TNC: variants seen among roughly 807,000 people sequenced by gnomAD.
TNC encodes the protein tenascin.
In TNC, 109 loss-of-function variants were observed where a neutral mutation model predicts 202.4. The observed-to-expected ratio is 0.54, with a 90% confidence interval of 0.46 to 0.63. The LOEUF (loss-of-function observed/expected upper bound fraction) is 0.63, where lower values mean the gene tolerates loss of function less well. TNC is among the 30% of genes least tolerant of loss of function. TNC has a pLI of 0.00. For missense variants in TNC, 2,756 were observed against 2,833.3 expected (o/e 0.97, Z 0.62); for synonymous variants, 1,007 against 1,089.7 (o/e 0.92, Z 1.50).
chr9:115,021,130 C>T lies in TNC; in HGVS notation c.*27G>A, dbSNP rs1406107281. ...TCCTTTCCTCGCTCTGGGCCTTATTCCTCTCTCACCCAGTGGTCCCTGGAA... is the reference window on the plus strand; with the variant it reads ...TCCTTTCCTCGCTCTGGGCCTTATTTCTCTCTCACCCAGTGGTCCCTGGAA... On this transcript the variant is annotated 3_prime_UTR_variant, in exon 28 of 28. Transcript: ENST00000350763. 1.3e-6 allele frequency: 2 copies of T among 1,566,216 alleles called. No individual in the cohort carries two copies. The highest frequency in any genetic ancestry group is 1.4e-5 in the African/African-American group (1 of 73,822).
chr9:115,070,261 C>G (rs1833364212), intron 10 of TNC, among the ~76,000 whole-genome samples: 1 of 152,204 alleles, frequency 6.6e-6, no homozygotes, highest in Non-Finnish European at 1.5e-5. Context: ...GCCCTCTGTT[C>G]TGGGTCATAT....
In TNC at chr9:115,082,674, C is replaced by T; in HGVS notation, c.2247+18G>A. On this transcript the variant is annotated intron_variant, in intron 5 of 27. Transcript: ENST00000350763. ...AAATCCTTGAGATCAAATGGATCTG[C>T]TCTTTTGTACTCCTTACCATATTCC... 1 of 1,539,396 alleles carries T rather than the reference C, an allele frequency of 6.5e-7. No individual in the cohort carries two copies. The highest frequency in any genetic ancestry group is 9.0e-7 in the Non-Finnish European group (1 of 1,112,154).
chr9:115,098,606 G>A (rs908781487), intron 1 of TNC, among the ~76,000 whole-genome samples: 1 of 152,168 alleles, frequency 6.6e-6, no homozygotes, highest in East Asian at 1.9e-4. Flanking sequence ...ATTTTTAGTA[G>A]CTCATGGAAT....
chr9:115,116,490 C>G (rs1350095597), intron 1 of TNC, among the ~76,000 whole-genome samples: 1 of 152,196 alleles, frequency 6.6e-6, no homozygotes, highest in Non-Finnish European at 1.5e-5. Context: ...CTGAATTGGG[C>G]TTGCCTGGCT....
At chr9:115,024,261 T>C (rs1258571744) in intron 26 of TNC, 125 bp from the exon 27 acceptor site, 2 of 937,454 alleles carry the variant, frequency 2.1e-6, no homozygotes, top group Admixed American at 2.4e-5. Context: ...TGAACATTGA[T>C]CCCAGAGTCA....
chr9:115,064,669 C>G lies in TNC; in HGVS notation c.3465G>C (p.Val1155=), dbSNP rs1460271945. The part of the protein sequence containing the change: ...YGVIQGYRTP[V]LSAEASTGET... ...TACCTGTGGAGGCCTCAGCAGAGAG[C>G]ACTGGTGTTCTATAGCCCTGGATCA... The change falls in exon 11 of 28, where the codon GTG becomes GTC. Residue 1155 remains valine (V), a synonymous_variant. Coordinates refer to ENST00000350763, the MANE Select transcript of TNC (RefSeq NM_002160.4). The G allele has an allele frequency of 1.9e-6, 3 of 1,612,078 alleles. No homozygotes were observed. Among genetic ancestry groups the G allele is most frequent in the Non-Finnish European group, 2.5e-6 (3 of 1,178,482 alleles).
chr9:115,099,475 T>C (rs769614917), intron 1 of TNC, among the ~76,000 whole-genome samples: 7 of 152,230 alleles, frequency 4.6e-5, no homozygotes, highest in Non-Finnish European at 8.8e-5. Flanking sequence ...TTGCTATTAA[T>C]TTGAACCACA....
chr9:115,038,448 G>A, intron 19 of TNC, 68 bp from the exon 20 acceptor site: 1 of 1,577,552 alleles, frequency 6.3e-7, no homozygotes, highest in South Asian at 1.2e-5. Flanking sequence ...CTGCTCTGCT[G>A]TCCACACTGC....
intron 1 of TNC, among the ~76,000 whole-genome samples, chr9:115,107,762 C>G (rs1482380415): frequency 6.6e-6 from 1 of 152,170 alleles, no homozygotes; most frequent in Non-Finnish European, 1.5e-5. Flanking sequence ...AAGGTAAAAA[C>G]TTAAATTTTT....
chr9:115,062,849 G>C, intron 13 of TNC, 68 bp downstream of exon 13: 1 of 1,541,104 alleles, frequency 6.5e-7, no homozygotes, highest in Non-Finnish European at 8.8e-7. Context: ...CCACACGGGT[G>C]AATTTTCTCT....
At chr9:115,069,568 G>C (rs1225920606) in intron 10 of TNC, among the ~76,000 whole-genome samples, 2 of 145,190 alleles carry the variant, frequency 1.4e-5, no homozygotes, top group Non-Finnish European at 3.0e-5. Context: ...GGTACCTTTC[G>C]TTCTTCCCTC....
At chr9:115,056,015 G>A (rs1402949719) in intron 15 of TNC, among the ~76,000 whole-genome samples, 1 of 152,070 alleles carries the variant, frequency 6.6e-6, no homozygotes, top group Non-Finnish European at 1.5e-5. Context: ...CCTTATCCAT[G>A]GATCACCCTG....
In TNC at chr9:115,046,548, G is replaced by T. The variant is rs757588594; in HGVS notation, c.4987C>A (p.Pro1663Thr). 2.5e-6 allele frequency: 4 copies of T among 1,614,080 alleles called. No individual in the cohort carries two copies. Among genetic ancestry groups the T allele is most frequent in the Non-Finnish European group, 3.4e-6 (4 of 1,180,006 alleles). Residue 1663 changes from proline (P) to threonine (T), a missense_variant, in exon 17 of 28, where the codon CCA becomes ACA. Pro to Thr is a conservative substitution (Grantham distance 38). Around this residue, in one of 2 missense-constraint regions of TNC, gnomAD observed 2,559 missense variants for 2,546.0 expected, o/e 1.01. Coordinates refer to ENST00000350763, the MANE Select transcript of TNC (RefSeq NM_002160.4). ...KIRDTKKQSE[P>T]LEITLLAPER... is the part of the protein sequence containing the mutation. Reference sequence around the variant, plus strand: ...GGGGCAAGTAGGGTTATTTCCAGTGGCTCAGACTGCTTTTTGGTATCTCTG... The same window carrying T: ...GGGGCAAGTAGGGTTATTTCCAGTGTCTCAGACTGCTTTTTGGTATCTCTG...
chr9:115,084,679 G>A (rs549003165), intron 3 of TNC, among the ~76,000 whole-genome samples: 9 of 152,286 alleles, frequency 5.9e-5, no homozygotes, highest in East Asian at 3.9e-4. Context: ...CCTTCAGGCT[G>A]GAGTCCCAGG....
chr9:115,068,061 TA>T (rs1403333709), intron 10 of TNC, among the ~76,000 whole-genome samples: 1 of 152,092 alleles, frequency 6.6e-6, no homozygotes, highest in Non-Finnish European at 1.5e-5. Flanking sequence ...ATATTATGAA[TA>T]AAAAATACAG....
intron 14 of TNC, among the ~76,000 whole-genome samples, chr9:115,058,782 C>T (rs911578364): frequency 3.9e-5 from 6 of 152,240 alleles, no homozygotes; most frequent in South Asian, 4.1e-4. Flanking sequence ...TAGTCTCTAC[C>T]GAGCTTCAAA....
At chr9:115,106,069 C>G (rs1234890416) in intron 1 of TNC, among the ~76,000 whole-genome samples, 1 of 152,176 alleles carries the variant, frequency 6.6e-6, no homozygotes, top group Non-Finnish European at 1.5e-5. Flanking sequence ...TAGAGATATA[C>G]CTAACTATGA....
At position 115,090,954 on chromosome 9, in the gene TNC, C is replaced by T; in HGVS notation, c.65G>A (p.Gly22Asp). 1 of 1,614,112 alleles carries T rather than the reference C, an allele frequency of 6.2e-7. No homozygotes were observed. The highest frequency in any genetic ancestry group is 8.5e-7 in the Non-Finnish European group (1 of 1,180,028). Residue 22 changes from glycine to aspartate, a missense_variant, in exon 2 of 28, where the codon GGT becomes GAT. Gly to Asp is a moderately conservative substitution (Grantham distance 94). This residue lies in a region of TNC where 2,559 missense variants were observed against 2,546.0 expected (regional missense o/e 1.01). Coordinates refer to ENST00000350763, the MANE Select transcript of TNC (RefSeq NM_002160.4). ...FLAFLALATE[G>D]GVLKKVIRHK... is the part of the protein sequence containing the mutation. ...CCGGATGACTTTCTTGAGGACCCCACCTTCGGTAGCGAGGGCAAGGAAAGC... is the reference window on the plus strand; with the variant it reads ...CCGGATGACTTTCTTGAGGACCCCATCTTCGGTAGCGAGGGCAAGGAAAGC...
At position 115,103,428 on chromosome 9, in the gene TNC, AC is replaced by A. The variant is rs748700453; in HGVS notation, c.-136-12275del. Among the ~76,000 whole-genome samples, 5 of 152,182 alleles carry A rather than the reference AC, an allele frequency of 3.3e-5. No homozygotes were observed. In the East Asian group the frequency reaches 9.7e-4, roughly 29 times the overall value. On this transcript the variant is annotated intron_variant, in intron 1 of 27. Coordinates refer to ENST00000350763, the MANE Select transcript of TNC (RefSeq NM_002160.4). ...CTCATTTTAAATTTTTACCTTCATT[AC>A]TTTTTTTTAAGTTCCCAGATACTTG...
Sources: allele counts gnomAD v4.1 joint callset (sites outside exome capture counted in the v4.1 genomes callset), GRCh38; gene constraint gnomAD v4.1.1; regional missense constraint gnomAD v4.1.1; transcripts MANE v1.5; gene names NCBI Gene and HGNC (gene_info 2026-07-23, HGNC 2026-07-21).